Variants in TENM2 observed in about 807,000 individuals in gnomAD.
The protein encoded by TENM2 is teneurin transmembrane protein 2, also known as teneurin-2.
In TENM2, 52 loss-of-function variants were observed where a neutral mutation model predicts 245.2. That is an observed-to-expected ratio of 0.21 (90% CI 0.17 to 0.27). TENM2 has a LOEUF of 0.27. Ranked by LOEUF, TENM2 falls within the 10% of genes least tolerant of loss-of-function variation. The probability of loss-of-function intolerance (pLI) is 1.00; values close to 1 mark genes in which losing one functional copy is unlikely to be tolerated. For missense variants in TENM2, 3,046 were observed against 3,666.8 expected (o/e 0.83, Z 4.37); for synonymous variants, 1,363 against 1,438.9 (o/e 0.95, Z 1.19).
chr5:167,202,035 A>G, the TENM2 span, among the ~76,000 whole-genome samples: 1 of 152,164 alleles, frequency 6.6e-6, no homozygotes, highest in Non-Finnish European at 1.5e-5. Flanking sequence ...CCCTTGTCTC[A>G]TGCAGAGCCC....
rs1045331484 is a variant in TENM2, at chr5:167,411,577, T to A, written c.502+36104T>A. On this transcript the variant is annotated intron_variant, in intron 2 of 28. Coordinates refer to ENST00000518659, the Ensembl canonical transcript of TENM2. ...GCATGTGTATATGTAGGTGAGAGTGTGTGTGTGTGTGTGTGTGTGTGTGTG... is the reference window on the plus strand; with the variant it reads ...GCATGTGTATATGTAGGTGAGAGTGAGTGTGTGTGTGTGTGTGTGTGTGTG... Among the ~76,000 whole-genome samples the A allele has an allele frequency of 1.5e-4, 13 of 83,962 alleles. No individual in the cohort carries two copies. The South Asian group carries it at 2.7e-3, about 17-fold the overall frequency. 55.1% of individuals were successfully genotyped at this position (83,962 alleles called of 152,430 possible). A position where few individuals can be genotyped will look rare whatever the true frequency, so the allele number is the denominator to read the frequency against.
rs115091080 is a variant in TENM2, at chr5:168,066,189, C to T, written c.1515+3924C>T. Among the ~76,000 whole-genome samples, 1,131 of 152,320 alleles carry T rather than the reference C, an allele frequency of 7.4e-3. 10 individuals are homozygous for T. The highest frequency in any genetic ancestry group is 0.011 in the Non-Finnish European group (746 of 68,014). ...CATTCAAGGACACAGACCTATGAAA[C>T]TTCTACTATGAGGAACAAGAAAAGG... On this transcript the variant is annotated intron_variant, in intron 7 of 28. Transcript: ENST00000518659.
chr5:167,656,810 C>G (rs1011380912), intron 2 of TENM2, among the ~76,000 whole-genome samples: 1 of 151,800 alleles, frequency 6.6e-6, no homozygotes, highest in Admixed American at 6.6e-5. Flanking sequence ...CTTTTCTTGC[C>G]TTTTAAAAGC....
chr5:167,852,842 G>A (rs954650241), intron 2 of TENM2, among the ~76,000 whole-genome samples: 1 of 152,026 alleles, frequency 6.6e-6, no homozygotes, highest in African/African-American at 2.4e-5. Context: ...TTTAATAGTG[G>A]GTGTCATTAT....
At chr5:167,788,385 C>T (rs533619047) in intron 2 of TENM2, among the ~76,000 whole-genome samples, 1 of 152,268 alleles carries the variant, frequency 6.6e-6, no homozygotes, top group Admixed American at 6.5e-5. Flanking sequence ...ACATGGGATG[C>T]ATAGATTAAT....
At chr5:167,823,044 A>G (rs1309661117) in intron 2 of TENM2, among the ~76,000 whole-genome samples, 2 of 152,196 alleles carry the variant, frequency 1.3e-5, no homozygotes, top group Admixed American at 6.5e-5. Context: ...AAAGGTTGTT[A>G]CCAGTGTGAG....
intron 2 of TENM2, among the ~76,000 whole-genome samples, chr5:167,490,755 T>C (rs1313736218): frequency 1.3e-5 from 2 of 152,164 alleles, no homozygotes; most frequent in African/African-American, 4.8e-5. Flanking sequence ...TTAATTAAAT[T>C]CAAGTTATTT....
At chr5:167,729,219 A>G (rs1760247489) in intron 2 of TENM2, 1 of 152,128 alleles carries the variant, frequency 6.6e-6, no homozygotes, top group South Asian at 2.1e-4. Flanking sequence ...CCAGATGTTA[A>G]CGTGGAAGCA....
the TENM2 span, among the ~76,000 whole-genome samples, chr5:167,234,664 T>A: frequency 6.6e-6 from 1 of 152,140 alleles, no homozygotes; most frequent in Non-Finnish European, 1.5e-5. Flanking sequence ...TTGATTATAT[T>A]TGGCACAAGC....
At chr5:167,936,685 T>G (rs1462726007) in intron 3 of TENM2, among the ~76,000 whole-genome samples, 1 of 152,248 alleles carries the variant, frequency 6.6e-6, no homozygotes, top group Non-Finnish European at 1.5e-5. Context: ...GGCTTCACTG[T>G]GTACAGTTCT....
intron 2 of TENM2, among the ~76,000 whole-genome samples, chr5:167,810,023 G>C (rs1372278507): frequency 2.0e-5 from 3 of 152,090 alleles, no homozygotes; most frequent in African/African-American, 7.2e-5. Context: ...GGGTGCCAAG[G>C]TTAGATCTTT....
At chr5:168,131,093 G>A (rs1039638246) in intron 12 of TENM2, among the ~76,000 whole-genome samples, 2 of 152,178 alleles carry the variant, frequency 1.3e-5, no homozygotes, top group African/African-American at 4.8e-5. Flanking sequence ...GCAAGAAGAA[G>A]CCAACATTTG....
At chr5:167,239,943 T>G in the TENM2 span, among the ~76,000 whole-genome samples, 1 of 152,278 alleles carries the variant, frequency 6.6e-6, no homozygotes, top group Non-Finnish European at 1.5e-5. Context: ...CGGCTACTTT[T>G]TTGTATTTTT....
At chr5:167,444,075 T>C (rs1462461590) in intron 2 of TENM2, among the ~76,000 whole-genome samples, 1 of 152,144 alleles carries the variant, frequency 6.6e-6, no homozygotes, top group Non-Finnish European at 1.5e-5. Context: ...TGACTATTAT[T>C]ATGGTGGTAG....
Position 168,247,528 on chromosome 5 carries a change from A to C in TENM2, c.6589A>C (p.Asn2197His). Residue 2197 changes from asparagine to histidine, a missense_variant, in exon 27 of 29, where the codon AAT becomes CAT. By Grantham distance (68) the Asn-to-His change is moderately conservative. Around this residue, in one of 2 missense-constraint regions of TENM2, gnomAD observed 2,704 missense variants for 3,331.9 expected, o/e 0.81. Coordinates refer to ENST00000518659, the Ensembl canonical transcript of TENM2. This position sits in a 1 kb window ranked among gnomAD's most constrained non-coding sequence, Gnocchi z 7.8. ...GGAGCTAAAACTGGGGCCCTATGCCAATACCACGAAGTACACCTATGACTA... is the reference window on the plus strand; with the variant it reads ...GGAGCTAAAACTGGGGCCCTATGCCCATACCACGAAGTACACCTATGACTA... The C allele has an allele frequency of 6.2e-7, 1 of 1,613,078 alleles. No homozygotes were observed. The highest frequency in any genetic ancestry group is 8.5e-7 in the Non-Finnish European group (1 of 1,179,190).
At chr5:168,187,101 G>A (rs1760525717) in intron 13 of TENM2, 1 of 152,198 alleles carries the variant, frequency 6.6e-6, no homozygotes, top group Admixed American at 6.5e-5. Flanking sequence ...GCAGGTAAAT[G>A]TAAATATGTA....
At chr5:167,264,966 T>A in the TENM2 span, among the ~76,000 whole-genome samples, 1 of 152,070 alleles carries the variant, frequency 6.6e-6, no homozygotes, top group Non-Finnish European at 1.5e-5. Flanking sequence ...GCAGCTCTTA[T>A]GTGAGTCAAA....
At position 167,385,748 on chromosome 5, in the gene TENM2, A is replaced by T. The variant is rs1761391062; in HGVS notation, c.502+10275A>T. The stretch of plus-strand genomic sequence containing the variant: ...CCTTAGCTCCCACTTATAAGTGAGA[A>T]CATATGATGTTTGGTTTTCCATCCC... On this transcript the variant is annotated intron_variant, in intron 2 of 28. Coordinates refer to ENST00000518659, the Ensembl canonical transcript of TENM2. Among the ~76,000 whole-genome samples, 3 of 152,146 alleles carry T rather than the reference A, an allele frequency of 2.0e-5. No homozygotes were observed. In the South Asian group the frequency reaches 6.2e-4, roughly 32 times the overall value.
chr5:167,825,404 C>T (rs957645457), intron 2 of TENM2, among the ~76,000 whole-genome samples: 2 of 152,072 alleles, frequency 1.3e-5, no homozygotes, highest in African/African-American at 4.8e-5. Flanking sequence ...GTGAGAAGAC[C>T]CTAGTGGTTC....
Sources: gnomAD v4.1 joint callset for allele counts (sites outside exome capture counted in the v4.1 genomes callset) on GRCh38, gnomAD v4.1.1 for gene constraint, gnomAD v4.1.1 regional missense constraint, Gnocchi (gnomAD v3.1) non-coding constraint, MANE v1.5 for transcripts, NCBI Gene and HGNC (gene_info 2026-07-23, HGNC 2026-07-21) for gene names.